Variants in CAPZB observed in about 807,000 individuals in gnomAD.
CAPZB encodes the protein capping actin protein of muscle Z-line subunit beta, also known as F-actin-capping protein subunit beta.
Under a neutral mutation model 38.1 loss-of-function variants are expected in CAPZB, and 2 were observed. That is an observed-to-expected ratio of 0.05 (90% CI 0.02 to 0.17). The LOEUF (loss-of-function observed/expected upper bound fraction) is 0.17. Ranked by LOEUF, CAPZB falls within the 10% of genes least tolerant of loss-of-function variation. The pLI is 1.00. For missense variants in CAPZB, 161 were observed against 334.2 expected, an observed-to-expected ratio of 0.48 and a Z score of 4.04; for synonymous variants, 107 against 127.4, an observed-to-expected ratio of 0.84 and a Z score of 1.08.
At chr1:19,407,567 G>A (rs543240962) in intron 2 of CAPZB, among the ~76,000 whole-genome samples, 3 of 152,280 alleles carry the variant, frequency 2.0e-5, no homozygotes, top group Non-Finnish European at 2.9e-5. Context: ...CTGGGAAACC[G>A]ACAGAAAGGA....
chr1:19,454,520 C>T (rs2094527028), intron 1 of CAPZB, among the ~76,000 whole-genome samples: 1 of 152,180 alleles, frequency 6.6e-6, no homozygotes, highest in African/African-American at 2.4e-5. Context: ...CACATTTATG[C>T]ACATTCCTCA....
chr1:19,452,092 C>T (rs1224949325), intron 1 of CAPZB, among the ~76,000 whole-genome samples: 2 of 152,112 alleles, frequency 1.3e-5, no homozygotes, highest in Admixed American at 1.3e-4. Flanking sequence ...CCAAGACTTA[C>T]CTGGCCAGTC....
intron 6 of CAPZB, among the ~76,000 whole-genome samples, chr1:19,348,770 C>A (rs59478563): frequency 2.2e-5 from 1 of 46,184 alleles, no homozygotes; most frequent in Non-Finnish European, 5.9e-5. Flanking sequence ...GGGGGGGGGG[C>A]GGTCTAGGTG....
chr1:19,453,795 C>T (rs1203837090), intron 1 of CAPZB, among the ~76,000 whole-genome samples: 1 of 152,212 alleles, frequency 6.6e-6, no homozygotes, highest in Non-Finnish European at 1.5e-5. Flanking sequence ...TTGCTGAATC[C>T]ACCCCTTTTA....
chr1:19,464,820 C>T (rs1328927851), intron 1 of CAPZB, among the ~76,000 whole-genome samples: 2 of 152,082 alleles, frequency 1.3e-5, no homozygotes, highest in African/African-American at 4.8e-5. Context: ...CATTTATTTA[C>T]AATTATAGAA....
intron 8 of CAPZB, chr1:19,342,858 A>G: frequency 6.3e-7 from 1 of 1,592,338 alleles, no homozygotes; most frequent in South Asian, 1.1e-5. Flanking sequence ...GGATAGCATC[A>G]ATAGATCTAC....
chr1:19,390,454 T>G (rs2094227423), intron 2 of CAPZB, among the ~76,000 whole-genome samples: 1 of 152,212 alleles, frequency 6.6e-6, no homozygotes, highest in Admixed American at 6.5e-5. Flanking sequence ...ACCAAAGGTG[T>G]CAGACCAATC....
intron 2 of CAPZB, among the ~76,000 whole-genome samples, chr1:19,398,112 G>A (rs2094282439): frequency 6.6e-6 from 1 of 152,166 alleles, no homozygotes; most frequent in Non-Finnish European, 1.5e-5. Flanking sequence ...CAACGCAGGG[G>A]ATACTTTAGA....
Position 19,339,408 on chromosome 1 carries a change from T to C in CAPZB, c.*122A>G. On this transcript the variant is annotated 3_prime_UTR_variant, in exon 9 of 9. Coordinates refer to ENST00000264202, the MANE Select transcript of CAPZB (RefSeq NM_004930.5). ...GGGAGAGATGGCGCTGTGCGGTCAATGATGCAGCTGTTATGTGACCTGTCG... is the reference window on the plus strand; with the variant it reads ...GGGAGAGATGGCGCTGTGCGGTCAACGATGCAGCTGTTATGTGACCTGTCG... 1.3e-6 allele frequency: 1 copy of C among 771,564 alleles called. No homozygotes were observed. Among genetic ancestry groups the C allele is most frequent in the East Asian group, 2.4e-5 (1 of 41,022 alleles). 47.8% of individuals were successfully genotyped at this position (771,564 alleles called of 1,614,324 possible).
chr1:19,369,892 A>G (rs1453291356), intron 4 of CAPZB, among the ~76,000 whole-genome samples: 1 of 152,084 alleles, frequency 6.6e-6, no homozygotes, highest in South Asian at 2.1e-4. Context: ...GCGGTGGAAA[A>G]AGCCCCCGGG....
intron 1 of CAPZB, among the ~76,000 whole-genome samples, chr1:19,456,582 G>A (rs970121110): frequency 2.0e-4 from 31 of 152,046 alleles, no homozygotes; most frequent in African/African-American, 2.9e-4. Context: ...ACCCATGCAC[G>A]ATTCCCCCGT....
At chr1:19,428,673 AG>A (rs35378168) in intron 1 of CAPZB, among the ~76,000 whole-genome samples, 19,223 of 152,168 alleles carry the variant, frequency 0.13, 1,321 homozygotes, top group Admixed American at 0.2. Flanking sequence ...AAGTTTTGCC[AG>A]GTTGCACAGA....
intron 2 of CAPZB, among the ~76,000 whole-genome samples, chr1:19,408,851 CT>C (rs1410379265): frequency 6.6e-6 from 1 of 152,228 alleles, no homozygotes; most frequent in Non-Finnish European, 1.5e-5. Context: ...GGACATAGTG[CT>C]TCCTTTTCAT....
chr1:19,469,784 ACGCC>A (rs1281961614), intron 1 of CAPZB, among the ~76,000 whole-genome samples: 1 of 149,018 alleles, frequency 6.7e-6, no homozygotes, highest in Non-Finnish European at 1.5e-5. Context: ...ACACACACAC[ACGCC>A]CGCCCACTGC....
chr1:19,438,158 C>A (rs928680777), intron 1 of CAPZB, among the ~76,000 whole-genome samples: 2 of 152,146 alleles, frequency 1.3e-5, no homozygotes, highest in Non-Finnish European at 2.9e-5. Flanking sequence ...GGAATGCTTA[C>A]GGAAACACTT....
intron 1 of CAPZB, among the ~76,000 whole-genome samples, chr1:19,420,373 G>A (rs1008653157): frequency 9.9e-5 from 15 of 152,124 alleles, no homozygotes; most frequent in African/African-American, 3.4e-4. Flanking sequence ...GGCAAGGACT[G>A]GAAAGACAAC....
intron 1 of CAPZB, among the ~76,000 whole-genome samples, chr1:19,460,434 G>A (rs1406539519): frequency 3.3e-5 from 5 of 152,078 alleles, no homozygotes; most frequent in Admixed American, 6.5e-5. Context: ...CCGCCACCGC[G>A]CCCGGCTAAT....
At chr1:19,436,273 G>T (rs1369556278) in intron 1 of CAPZB, among the ~76,000 whole-genome samples, 2 of 152,084 alleles carry the variant, frequency 1.3e-5, no homozygotes, top group East Asian at 1.9e-4. Context: ...TTTGTCCCGC[G>T]TATCCACACT....
At chr1:19,468,011 G>A (rs1167639491) in intron 1 of CAPZB, among the ~76,000 whole-genome samples, 1 of 152,152 alleles carries the variant, frequency 6.6e-6, no homozygotes, top group Non-Finnish European at 1.5e-5. Context: ...GCTGAGGCAG[G>A]AGGATCCCTT....
Sources: gnomAD v4.1 joint callset for allele counts (sites outside exome capture counted in the v4.1 genomes callset) on GRCh38, gnomAD v4.1.1 for gene constraint, MANE v1.5 for transcripts, NCBI Gene and HGNC (gene_info 2026-07-23, HGNC 2026-07-21) for gene names.